The following CAMK4 variants were observed in gnomAD, a reference collection of about 807,000 sequenced individuals.
CAMK4 encodes the protein calcium/calmodulin-dependent protein kinase type IV.
A neutral mutation model predicts 44.9 loss-of-function variants in CAMK4; 22 were observed. The observed-to-expected ratio is 0.49, with a 90% confidence interval of 0.35 to 0.70. The LOEUF (loss-of-function observed/expected upper bound fraction) is 0.70. Ranked by LOEUF, CAMK4 falls within the 30% of genes least tolerant of loss-of-function variation. The probability of loss-of-function intolerance (pLI) is 0.01; values close to 1 mark genes in which losing one functional copy is unlikely to be tolerated. For missense variants in CAMK4, 498 were observed against 586.8 expected, an observed-to-expected ratio of 0.85 and a Z score of 1.56; for synonymous variants, 218 against 215.4, an observed-to-expected ratio of 1.01 and a Z score of -0.11.
intron 2 of CAMK4, among the ~76,000 whole-genome samples, chr5:111,366,841 C>A (rs1233095566): frequency 6.6e-6 from 1 of 151,358 alleles, no homozygotes; most frequent in Non-Finnish European, 1.5e-5. Flanking sequence ...TGTATAATTT[C>A]TTTTATTAAA....
At chr5:111,462,928 C>T (rs1754692514) in intron 7 of CAMK4, among the ~76,000 whole-genome samples, 2 of 152,054 alleles carry the variant, frequency 1.3e-5, no homozygotes, top group Admixed American at 1.3e-4. Flanking sequence ...CACACTTAGA[C>T]CTAGATGGTA....
chr5:111,447,633 G>A (rs953765118), intron 6 of CAMK4, among the ~76,000 whole-genome samples: 5 of 152,038 alleles, frequency 3.3e-5, no homozygotes, highest in South Asian at 2.1e-4. Context: ...CTTTATTTTC[G>A]ATGAATTCTC....
rs1232548245 is a variant in CAMK4 at position 111,443,243 on chromosome 5, C to CATATAT, written c.460-3411_460-3406dup. Among the ~76,000 whole-genome samples, 99 of 72,192 alleles carry CATATAT rather than the reference C, an allele frequency of 1.4e-3. 1 individual carries two copies. The highest frequency in any genetic ancestry group is 1.7e-3 in the Non-Finnish European group (64 of 37,028). The allele number at this position is 72,192 out of a possible 152,430, so 47.4% of individuals were successfully genotyped here. ...GATATATTTAAATGCCTCCCCCTAC[C>CATATAT]ATATATATATATATATATATATATA... On this transcript the variant is annotated intron_variant, in intron 5 of 10. Coordinates refer to ENST00000282356, the MANE Select transcript of CAMK4 (RefSeq NM_001744.6).
intron 1 of CAMK4, among the ~76,000 whole-genome samples, chr5:111,293,816 G>C (rs1228811472): frequency 1.5e-5 from 2 of 132,576 alleles, no homozygotes; most frequent in Non-Finnish European, 3.1e-5. Context: ...GCACGATCTC[G>C]GCTCACTGCA....
rs578164007 is a variant in CAMK4 at position 111,439,058 on chromosome 5, G to A, written c.460-7628G>A. Among the ~76,000 whole-genome samples, 3 of 152,164 alleles carry A rather than the reference G, an allele frequency of 2.0e-5. No individual in the cohort carries two copies. In the East Asian group the frequency reaches 5.8e-4, roughly 29 times the overall value. Reference sequence around the variant, plus strand: ...GGCACAGTCCCTACAACTTTCCAATGTCTCCCTTTTATTTTACTCCATGCC... The same window carrying A: ...GGCACAGTCCCTACAACTTTCCAATATCTCCCTTTTATTTTACTCCATGCC... On this transcript the variant is annotated intron_variant, in intron 5 of 10. Transcript: ENST00000282356.
chr5:111,450,200 C>T (rs1580769538), intron 7 of CAMK4, among the ~76,000 whole-genome samples: 1 of 151,954 alleles, frequency 6.6e-6, no homozygotes, highest in Admixed American at 6.6e-5. Flanking sequence ...TATGATGGTG[C>T]ACACCATAAT....
intron 1 of CAMK4, among the ~76,000 whole-genome samples, chr5:111,225,556 A>G (rs749737695): frequency 2.0e-5 from 3 of 152,152 alleles, no homozygotes; most frequent in Non-Finnish European, 4.4e-5. Context: ...AGGGAATCTG[A>G]AGATGTAATT....
chr5:111,424,159 T>C (rs1753129861), intron 5 of CAMK4, among the ~76,000 whole-genome samples: 1 of 152,172 alleles, frequency 6.6e-6, no homozygotes, highest in Non-Finnish European at 1.5e-5. Flanking sequence ...GACCTAACCA[T>C]GGTAGGAATT....
chr5:111,444,652 G>C (rs1380890049), intron 5 of CAMK4, among the ~76,000 whole-genome samples: 1 of 152,110 alleles, frequency 6.6e-6, no homozygotes, highest in African/African-American at 2.4e-5. Flanking sequence ...CCAGTTATCT[G>C]TTTCCCCAAA....
chr5:111,354,527 C>T (rs778167827), intron 2 of CAMK4, among the ~76,000 whole-genome samples: 4 of 151,222 alleles, frequency 2.6e-5, no homozygotes, highest in African/African-American at 4.9e-5. Context: ...TACATCAGAA[C>T]GTCACATTGT....
Position 111,394,936 on chromosome 5 carries a change from T to G in CAMK4, c.459+154T>G, listed in dbSNP as rs73216051. ...GAAAATGTGTGGAATAAGGTGGGCA[T>G]GGTGGCTCAAGCCTGTAATCTCAGC... is the stretch of plus-strand genomic sequence containing the variant. On this transcript the variant is annotated intron_variant, in intron 5 of 10. Transcript: ENST00000282356. 1.6e-3 allele frequency among the ~76,000 whole-genome samples: 249 copies of G among 152,146 alleles called. 2 individuals are homozygous for G. Among genetic ancestry groups the G allele is most frequent in the African/African-American group, 5.6e-3 (233 of 41,524 alleles).
chr5:111,413,926 G>A (rs1423822057), intron 5 of CAMK4, among the ~76,000 whole-genome samples: 1 of 151,748 alleles, frequency 6.6e-6, no homozygotes, highest in Non-Finnish European at 1.5e-5. Context: ...GTCATAAACT[G>A]ATAATAAATT....
intron 7 of CAMK4, among the ~76,000 whole-genome samples, chr5:111,463,992 G>A (rs1342734118): frequency 1.3e-5 from 2 of 151,656 alleles, no homozygotes; most frequent in African/African-American, 2.4e-5. Flanking sequence ...AAACCAAAAA[G>A]AAATCCCTGA....
At chr5:111,365,445 AGTT>A (rs936397828) in intron 2 of CAMK4, among the ~76,000 whole-genome samples, 24 of 152,214 alleles carry the variant, frequency 1.6e-4, no homozygotes, top group African/African-American at 5.8e-4. Context: ...TGAAAGTTGA[AGTT>A]GTTAAGAATG....
chr5:111,266,042 A>C (rs1424927556), intron 1 of CAMK4: 2 of 152,184 alleles, frequency 1.3e-5, no homozygotes, highest in African/African-American at 4.8e-5. Context: ...AGAGAGAGAA[A>C]TTTAGACATC....
intron 1 of CAMK4, among the ~76,000 whole-genome samples, chr5:111,313,703 A>G (rs1378462988): frequency 6.6e-6 from 1 of 151,380 alleles, no homozygotes; most frequent in Non-Finnish European, 1.5e-5. Flanking sequence ...CTCAATATAA[A>G]TTGGTTATTT....
At chr5:111,420,812 A>C (rs1039952484) in intron 5 of CAMK4, among the ~76,000 whole-genome samples, 3 of 152,210 alleles carry the variant, frequency 2.0e-5, no homozygotes, top group Admixed American at 2.0e-4. Context: ...GTTTAAGGTT[A>C]TCTCTCTTAT....
intron 1 of CAMK4, among the ~76,000 whole-genome samples, chr5:111,289,808 C>T (rs1751373107): frequency 6.6e-6 from 1 of 152,220 alleles, no homozygotes; most frequent in Non-Finnish European, 1.5e-5. Flanking sequence ...ACCCCACATT[C>T]ATACTTCTCC....
rs1266275351 is a variant in CAMK4, at chr5:111,356,249, G to A, written c.240+12147G>A. Among the ~76,000 whole-genome samples the A allele has an allele frequency of 2.2e-4, 33 of 151,154 alleles. 1 individual carries two copies. Among genetic ancestry groups the A allele is most frequent in the Admixed American group, 2.0e-3 (30 of 15,146 alleles). On this transcript the variant is annotated intron_variant, in intron 2 of 10. Transcript: ENST00000282356. ...GGTTTTGATTTGCATTTCTCTGATG[G>A]CCAGTGATGATGAGCATTTTTTCAT...
Sources: allele counts gnomAD v4.1 joint callset (sites outside exome capture counted in the v4.1 genomes callset), GRCh38; gene constraint gnomAD v4.1.1; transcripts MANE v1.5; gene names NCBI Gene and HGNC (gene_info 2026-07-23, HGNC 2026-07-21).